The following CDKN2B-AS1 variants were observed in gnomAD, a reference collection of about 807,000 sequenced individuals.
The protein encoded by CDKN2B-AS1 is CDKN2B and CDKN2A antisense cis and trans regulatory RNA 1, also known as CDKN2B antisense RNA 1 (non-protein coding).
chr9:22,086,806 A>G (rs780270978), intron 4 of CDKN2B-AS1, among the ~76,000 whole-genome samples: 39 of 152,184 alleles, frequency 2.6e-4, no homozygotes, highest in Non-Finnish European at 2.2e-4. Flanking sequence ...ATAAACGATT[A>G]GTTTCCAAAC....
intron 4 of CDKN2B-AS1, among the ~76,000 whole-genome samples, chr9:22,077,297 A>G (rs1824534681): frequency 6.6e-6 from 1 of 152,170 alleles, no homozygotes; most frequent in Non-Finnish European, 1.5e-5. Context: ...ATGTAAAAAT[A>G]TTGAAATGTT....
chr9:22,047,570 TTA>T (rs1283527622), intron 2 of CDKN2B-AS1, among the ~76,000 whole-genome samples: 1 of 152,174 alleles, frequency 6.6e-6, no homozygotes, highest in Non-Finnish European at 1.5e-5. Flanking sequence ...CTGAAATATA[TTA>T]GTTATTATTT....
intron 4 of CDKN2B-AS1, among the ~76,000 whole-genome samples, chr9:22,098,519 T>C (rs1563980620): frequency 6.6e-6 from 1 of 152,152 alleles, no homozygotes; most frequent in Non-Finnish European, 1.5e-5. Context: ...AGTCCACTTG[T>C]AACCACATGT....
At chr9:22,042,930 A>G (rs1178696783) in intron 1 of CDKN2B-AS1, among the ~76,000 whole-genome samples, 1 of 152,000 alleles carries the variant, frequency 6.6e-6, no homozygotes, top group Non-Finnish European at 1.5e-5. Context: ...AAATGTATAC[A>G]TGTTTGGAAA....
At chr9:22,017,082 C>G (rs1051036457) in intron 1 of CDKN2B-AS1, among the ~76,000 whole-genome samples, 2 of 152,122 alleles carry the variant, frequency 1.3e-5, no homozygotes, top group Non-Finnish European at 1.5e-5. Context: ...ATAATATTAA[C>G]TTTTTTTCAA....
chr9:22,051,280 G>A (rs1587460082), intron 3 of CDKN2B-AS1, among the ~76,000 whole-genome samples: 4 of 152,074 alleles, frequency 2.6e-5, no homozygotes, highest in South Asian at 2.1e-4. Context: ...TTTTAAACCC[G>A]AGTAGCACTT....
At chr9:22,124,242 T>C (rs888002601) in intron 4 of CDKN2B-AS1, among the ~76,000 whole-genome samples, 2 of 152,216 alleles carry the variant, frequency 1.3e-5, no homozygotes, top group Non-Finnish European at 2.9e-5. Flanking sequence ...GTCTGGTCTT[T>C]TTTCAGCAAA....
chr9:22,097,933 G>A (rs1383000473), intron 4 of CDKN2B-AS1, among the ~76,000 whole-genome samples: 2 of 152,132 alleles, frequency 1.3e-5, no homozygotes, highest in Non-Finnish European at 2.9e-5. Context: ...CCTTTAGAAA[G>A]ACTTGAGGCT....
intron 4 of CDKN2B-AS1, among the ~76,000 whole-genome samples, chr9:22,101,685 CACACACACACACACACAT>C (rs1469949408): frequency 1.6e-5 from 2 of 125,666 alleles, no homozygotes; most frequent in East Asian, 2.4e-4. Flanking sequence ...CACACACACA[CACACACACACACACACAT>C]GGCTTCTAGA....
chr9:22,127,321 C>T (rs1818034524), exon 5 of CDKN2B-AS1, among the ~76,000 whole-genome samples: 1 of 152,116 alleles, frequency 6.6e-6, no homozygotes, highest in Admixed American at 6.5e-5. Context: ...ACCTTGTGAT[C>T]CACCTGCCTT....
intron 4 of CDKN2B-AS1, among the ~76,000 whole-genome samples, chr9:22,062,599 G>C: frequency 6.6e-6 from 1 of 152,054 alleles, no homozygotes; most frequent in Non-Finnish European, 1.5e-5. Context: ...CTTTCTCTGG[G>C]GTTCTGAGGT....
chr9:22,102,401 A>G (rs749751778), intron 4 of CDKN2B-AS1, among the ~76,000 whole-genome samples: 3 of 152,198 alleles, frequency 2.0e-5, no homozygotes, highest in Non-Finnish European at 2.9e-5. Context: ...TGATGGCTTT[A>G]TAACAACAGA....
chr9:22,009,300 CA>C, intron 1 of CDKN2B-AS1: 1 of 448,404 alleles, frequency 2.2e-6, no homozygotes. Context: ...CTCGCTCTGG[CA>C]GAGTGGGGAG....
chr9:22,081,771 T>G (rs1824705778), intron 4 of CDKN2B-AS1, among the ~76,000 whole-genome samples: 1 of 152,238 alleles, frequency 6.6e-6, no homozygotes, highest in Admixed American at 6.5e-5. Flanking sequence ...GCACCCAATC[T>G]TTTACAGTGT....
rs146843197 is a variant in CDKN2B-AS1 at position 22,103,888 on chromosome 9, G to A, written n.439-23215G>A. On this transcript the variant is annotated intron_variant and non_coding_transcript_variant, in intron 4 of 4. Coordinates refer to ENST00000650946, the Ensembl canonical transcript of CDKN2B-AS1. ...CACTGATGTACTGGAATAGCACTGC[G>A]TTCCAGTGACGGTTATTGCAACTCA... Among the ~76,000 whole-genome samples, 286 of 152,304 alleles carry A rather than the reference G, an allele frequency of 1.9e-3. 1 individual carries two copies. Among genetic ancestry groups the A allele is most frequent in the African/African-American group, 5.6e-3 (231 of 41,562 alleles).
intron 1 of CDKN2B-AS1, chr9:22,003,632 C>G (rs1186209913): frequency 8.7e-6 from 2 of 229,888 alleles, no homozygotes; most frequent in Non-Finnish European, 1.7e-5. Flanking sequence ...TTCTTGTAGC[C>G]TCTAATGATT....
chr9:22,066,423 G>A (rs1387503205), intron 4 of CDKN2B-AS1: 1 of 151,482 alleles, frequency 6.6e-6, no homozygotes, highest in Non-Finnish European at 1.5e-5. Flanking sequence ...TCAAATTCAT[G>A]GCCTCCAGAG....
Position 21,997,189 on chromosome 9 carries a change from G to A in CDKN2B-AS1, n.29+2028G>A, listed in dbSNP as rs916105920. On this transcript the variant is annotated intron_variant and non_coding_transcript_variant, in intron 1 of 4. Transcript: ENST00000650946. The surrounding 1 kb of genome is among the most constrained non-coding windows in gnomAD (Gnocchi z 4.8). ...CCTAGGCTGCAAACCTTTACAACAT[G>A]TTACTATACTGAATACTGTAGATAA... is the stretch of plus-strand genomic sequence containing the variant. Among the ~76,000 whole-genome samples the A allele has an allele frequency of 2.1e-4, 32 of 152,128 alleles. No individual in the cohort carries two copies. Among genetic ancestry groups the A allele is most frequent in the African/African-American group, 7.7e-4 (32 of 41,422 alleles).
chr9:22,055,880 G>A (rs906122028), intron 3 of CDKN2B-AS1, among the ~76,000 whole-genome samples: 4 of 152,016 alleles, frequency 2.6e-5, no homozygotes, highest in African/African-American at 9.7e-5. Context: ...TAGGGAGGAT[G>A]AATAAAGAAT....
Sources: gnomAD v4.1 joint callset for allele counts (sites outside exome capture counted in the v4.1 genomes callset) on GRCh38, gnomAD v4.1.1 for gene constraint, Gnocchi (gnomAD v3.1) non-coding constraint, MANE v1.5 for transcripts, NCBI Gene and HGNC (gene_info 2026-07-23, HGNC 2026-07-21) for gene names.